The following PKD1 variants were observed in gnomAD, a reference collection of about 807,000 sequenced individuals.
PKD1 encodes the protein polycystin 1, transient receptor potential channel interacting, also known as polycystin-1.
Under a neutral mutation model 361.7 loss-of-function variants are expected in PKD1, and 81 were observed. The observed-to-expected ratio is 0.22, with a 90% CI of 0.19 to 0.27. The LOEUF (loss-of-function observed/expected upper bound fraction) is 0.27. Among genes scored for constraint, PKD1 ranks in the 10% least tolerant of loss-of-function variants. The probability of loss-of-function intolerance (pLI) is 1.00; values close to 1 mark genes in which losing one functional copy is unlikely to be tolerated. For synonymous variants in PKD1, 3,615 were observed against 2,818.3 expected (o/e 1.28, Z -8.95); for missense variants, 6,399 against 6,118.3 (o/e 1.05, Z -1.53).
At chr16:2,117,445 G>C in intron 6 of PKD1, 44 bp downstream of exon 6, 11 of 1,344,728 alleles carry the variant, frequency 8.2e-6, no homozygotes, top group Non-Finnish European at 1.1e-5. Context: ...CAGTGCTTCA[G>C]AGATCTCCCA....
rs2092203712 is a variant in PKD1, at chr16:2,103,758, G to A, written c.8299C>T (p.Arg2767Cys). Residue 2767 changes from arginine (R) to cysteine (C), a missense_variant, in exon 23 of 46, where the codon CGC becomes TGC. By Grantham distance (180) the Arg-to-Cys change is radical. Coordinates refer to ENST00000262304, the MANE Select transcript of PKD1 (RefSeq NM_001009944.3). ...GTCAGGGGCTCCTCGTTGAGCACGC[G>A]GGAGCGCATGAGGATGCGCATGAGG... ...SALMRILMRS[R>C]VLNEEPLTLA... 2 of 1,609,954 alleles carry A rather than the reference G, an allele frequency of 1.2e-6. No homozygotes were observed. Among genetic ancestry groups the A allele is most frequent in the East Asian group, 2.2e-5 (1 of 44,720 alleles).
chr16:2,120,152 C>G (rs1314673143), intron 1 of PKD1: 19 of 478,402 alleles, frequency 4.0e-5, no homozygotes, highest in Non-Finnish European at 6.3e-5. Context: ...GTCAAGGCTA[C>G]AGGGAGCTGA....
Position 2,115,985 on chromosome 16 carries a change from G to A in PKD1, c.1849+7C>T. The A allele has an allele frequency of 7.1e-7, 1 of 1,416,234 alleles. No individual in the cohort carries two copies. The highest frequency in any genetic ancestry group is 9.5e-7 in the Non-Finnish European group (1 of 1,056,072). The allele number at this position is 1,416,234 out of a possible 1,614,324, so 87.7% of individuals were successfully genotyped here. ...CACCACCCACCACCCACCACCCAGA[G>A]TCCCACCTGCTGTGCTGAGGAGCCG... is the stretch of plus-strand genomic sequence containing the variant. On this transcript the variant is annotated splice_region_variant and intron_variant, in intron 9 of 45. Coordinates refer to ENST00000262304, the MANE Select transcript of PKD1 (RefSeq NM_001009944.3).
intron 42 of PKD1, 24 bp downstream of exon 42, chr16:2,091,399 G>A: frequency 9.0e-7 from 1 of 1,113,936 alleles, no homozygotes; most frequent in Non-Finnish European, 1.1e-6. Flanking sequence ...GGGAGGCGCG[G>A]GGTCTGGCCG....
At chr16:2,105,693 G>A (rs555563517) in intron 20 of PKD1, 172 bp downstream of exon 20, 6 of 1,310,408 alleles carry the variant, frequency 4.6e-6, no homozygotes, top group East Asian at 5.0e-5. Flanking sequence ...GCCGGAGAGG[G>A]CCCGGTGGGT....
Position 2,105,431 on chromosome 16 carries a change from C to G in PKD1, c.7907G>C (p.Arg2636Pro). 2 of 1,586,836 alleles carry G rather than the reference C, an allele frequency of 1.3e-6. No individual in the cohort carries two copies. Among genetic ancestry groups the G allele is most frequent in the Non-Finnish European group, 1.7e-6 (2 of 1,173,286 alleles). The change falls in exon 21 of 46, where the codon CGG becomes CCG. Residue 2636 changes from arginine to proline, a missense_variant. Transcript: ENST00000262304. ...CTTGCGTATCTGGGCTCGGTGCTGCCGCTCGTGCTTGGGCTCTGCCGCCAC... is the reference window on the plus strand; with the variant it reads ...CTTGCGTATCTGGGCTCGGTGCTGCGGCTCGTGCTTGGGCTCTGCCGCCAC... ...LDVAAEPKHE[R>P]QHRAQIRKNI...
Position 2,102,534 on chromosome 16 carries a change from C to G in PKD1, c.9048G>C (p.Gln3016His). 6.2e-7 allele frequency: 1 copy of G among 1,609,682 alleles called. No homozygotes were observed. The highest frequency in any genetic ancestry group is 8.5e-7 in the Non-Finnish European group (1 of 1,179,272). The stretch of plus-strand genomic sequence containing the variant: ...ACACCATGTCCTCCTCGCTGAAGTA[C>G]TGGCACAGGGACGTGTACAGGCCCA... ...VSVGLYTSLCQYFSEEDMVWR... is the reference protein window; with the variant it reads ...VSVGLYTSLCHYFSEEDMVWR... Residue 3016 changes from glutamine to histidine, a missense_variant, in exon 25 of 46, where the codon CAG (glutamine) becomes CAC (histidine). By Grantham distance (24) the Gln-to-His change is conservative (BLOSUM62 0). Coordinates refer to ENST00000262304, the MANE Select transcript of PKD1 (RefSeq NM_001009944.3).
intron 21 of PKD1, 72 bp from the exon 22 acceptor site, chr16:2,104,714 G>A (rs2092266936): frequency 3.6e-6 from 3 of 843,456 alleles, no homozygotes; most frequent in Admixed American, 2.1e-5. Flanking sequence ...CTCTACACGG[G>A]TCCTCACCTG....
Position 2,089,021 on chromosome 16 carries a change from G to C in PKD1, c.*706C>G, listed in dbSNP as rs368013485. Reference sequence around the variant, plus strand: ...AGACCTGATGCCAGCAGGCCTGGGCGCTGCTCTCTTGCTACCTGGCCTGGG... The same window carrying C: ...AGACCTGATGCCAGCAGGCCTGGGCCCTGCTCTCTTGCTACCTGGCCTGGG... On this transcript the variant is annotated 3_prime_UTR_variant, in exon 46 of 46. Transcript: ENST00000262304. The C allele has an allele frequency of 2.8e-5, 6 of 214,676 alleles. No individual in the cohort carries two copies. Among genetic ancestry groups the C allele is most frequent in the African/African-American group, 1.4e-4 (6 of 43,318 alleles). 13.3% of individuals were successfully genotyped at this position (214,676 alleles called of 1,614,324 possible). A position where few individuals can be genotyped will look rare whatever the true frequency, so the allele number is the denominator to read the frequency against.
Position 2,093,790 on chromosome 16 carries a change from T to TACCCCTGGCAGCCC in PKD1, c.10821+7_10821+20dup. The TACCCCTGGCAGCCC allele has an allele frequency of 1.3e-6, 2 of 1,555,290 alleles. 1 individual carries two copies. The highest frequency in any genetic ancestry group is 4.8e-5 in the East Asian group (2 of 41,614). ...TCCCCCGTGATGGAGGCCTGTAGCC[T>TACCCCTGGCAGCCC]ACCCCTGGCAGCCCCCTCACCTTCA... On this transcript the variant is annotated intron_variant, in intron 36 of 45. Coordinates refer to ENST00000262304, the MANE Select transcript of PKD1 (RefSeq NM_001009944.3).
In PKD1 at chr16:2,103,373, T is replaced by G; in HGVS notation, c.8684A>C (p.Asn2895Thr). Residue 2895 changes from asparagine to threonine, a missense_variant, in exon 23 of 46, where the codon AAC becomes ACC. Coordinates refer to ENST00000262304, the MANE Select transcript of PKD1 (RefSeq NM_001009944.3). ...GGCCTGGGGCTGGACCACAACGGAG[T>G]TGGCGGAGTTGGCGGAGCTGCGGTG... ...RGHRSSANSA[N>T]SVVVQPQASV... 4.4e-6 allele frequency: 7 copies of G among 1,600,916 alleles called. No homozygotes were observed. Among genetic ancestry groups the G allele is most frequent in the Non-Finnish European group, 5.9e-6 (7 of 1,179,238 alleles).
Position 2,111,226 on chromosome 16 carries a change from G to A in PKD1, c.3941C>T (p.Thr1314Met), listed in dbSNP as rs148422895. 24 of 1,610,888 alleles carry A rather than the reference G, an allele frequency of 1.5e-5. No homozygotes were observed. Among genetic ancestry groups the A allele is most frequent in the Middle Eastern group, 1.9e-4 (1 of 5,326 alleles). The change falls in exon 15 of 46, where the codon ACG becomes ATG. Residue 1314 changes from threonine to methionine, a missense_variant. Thr to Met is a moderately conservative substitution (Grantham distance 81, BLOSUM62 -1). Transcript: ENST00000262304. ...GGCCGGGTTCCCGGTGACGTAGGCC[G>A]TGAGCCGCGCGTCAGGCTGCGTGGG... ...CIPTQPDARL[T>M]AYVTGNPAHY...
At position 2,089,996 on chromosome 16, in the gene PKD1, G is replaced by A. The variant is rs757068311; in HGVS notation, c.12643C>T (p.Leu4215Phe). 3 of 1,610,538 alleles carry A rather than the reference G, an allele frequency of 1.9e-6. No homozygotes were observed. The highest frequency in any genetic ancestry group is 3.4e-5 in the Admixed American group (2 of 59,534). ...AGCAGGGCCTCGAACACGGCTTGGAGGCGGGAGGGCTCAGGCTCACACCTT... is the reference window on the plus strand; with the variant it reads ...AGCAGGGCCTCGAACACGGCTTGGAAGCGGGAGGGCTCAGGCTCACACCTT... ...GTRCEPEPSR[L>F]QAVFEALLTQ... The change falls in exon 46 of 46, where the codon CTC (leucine) becomes TTC (phenylalanine). Residue 4215 changes from leucine (L) to phenylalanine (F), a missense_variant. Transcript: ENST00000262304.
rs745381642 is a variant in PKD1 at position 2,111,161 on chromosome 16, T to G, written c.4006A>C (p.Asn1336His). Residue 1336 changes from asparagine (N) to histidine (H), a missense_variant, in exon 15 of 46, where the codon AAC becomes CAC. Coordinates refer to ENST00000262304, the MANE Select transcript of PKD1 (RefSeq NM_001009944.3). ...GTCGGGCACCCCCGCACGGTCGTGT[T>G]GGAGGAGCCATCCCCGAAGGTCCAG... ...FDWTFGDGSSNTTVRGCPTVT... is the reference protein window; with the variant it reads ...FDWTFGDGSSHTTVRGCPTVT... The G allele has an allele frequency of 1.9e-6, 3 of 1,611,262 alleles. No individual in the cohort carries two copies. The highest frequency in any genetic ancestry group is 2.5e-6 in the Non-Finnish European group (3 of 1,179,754).
intron 1 of PKD1, among the ~76,000 whole-genome samples, chr16:2,126,406 C>A (rs2092800581): frequency 6.6e-6 from 1 of 152,276 alleles, no homozygotes; most frequent in Non-Finnish European, 1.5e-5. Flanking sequence ...AGGGCTGGGC[C>A]TCGGGAGCTG....
At position 2,109,668 on chromosome 16, in the gene PKD1, G is replaced by A. The variant is rs1184770602; in HGVS notation, c.5499C>T (p.Thr1833=). 16 of 1,587,032 alleles carry A rather than the reference G, an allele frequency of 1.0e-5. No homozygotes were observed. The highest frequency in any genetic ancestry group is 1.8e-5 in the Admixed American group (1 of 56,020). ...GCACAGCCCAGCACCAGCTCACATTGGTGCCCGTGGCCAGCTGCCCCCAAA... is the reference window on the plus strand; with the variant it reads ...GCACAGCCCAGCACCAGCTCACATTAGTGCCCGTGGCCAGCTGCCCCCAAA... ...VPFWGQLATG[T]NVSWCWAVPG... The change falls in exon 15 of 46, where the codon ACC becomes ACT. Residue 1833 remains threonine, a synonymous_variant. Transcript: ENST00000262304.
Position 2,089,568 on chromosome 16 carries a change from T to G in PKD1, c.*159A>C. On this transcript the variant is annotated 3_prime_UTR_variant, in exon 46 of 46. Coordinates refer to ENST00000262304, the MANE Select transcript of PKD1 (RefSeq NM_001009944.3). The stretch of plus-strand genomic sequence containing the variant: ...GTCCTGGTTGGCCACACAGCCTCTT[T>G]AAAGTGCTGAAGCCCACAGACAGAC... 1.1e-6 allele frequency: 1 copy of G among 918,672 alleles called. No individual in the cohort carries two copies. Among genetic ancestry groups the G allele is most frequent in the Admixed American group, 2.3e-5 (1 of 43,780 alleles). The allele number at this position is 918,672 out of a possible 1,614,324, so 56.9% of individuals were successfully genotyped here.
intron 9 of PKD1, 134 bp from the exon 10 acceptor site, chr16:2,115,759 G>T: frequency 9.6e-7 from 1 of 1,037,200 alleles, no homozygotes; most frequent in South Asian, 1.5e-5. Flanking sequence ...TCCCAGCCCA[G>T]TGCTGCGTCC....
At position 2,090,329 on chromosome 16, in the gene PKD1, G is replaced by A. The variant is rs760150401; in HGVS notation, c.12400C>T (p.Leu4134=). Reference sequence around the variant, plus strand: ...CCCATCCAGAGGCGCAGCCTGCGCAGGAACAACTCCACCATCTCGTAGTCC... The same window carrying A: ...CCCATCCAGAGGCGCAGCCTGCGCAAGAACAACTCCACCATCTCGTAGTCC... ...PQDYEMVELF[L]RRLRLWMGLS... is the part of the protein sequence containing the mutation. Residue 4134 remains leucine (L), a synonymous_variant, in exon 45 of 46, where the codon CTG becomes TTG. Transcript: ENST00000262304. 7 of 1,612,072 alleles carry A rather than the reference G, an allele frequency of 4.3e-6. No homozygotes were observed. Among genetic ancestry groups the A allele is most frequent in the East Asian group, 4.5e-5 (2 of 44,864 alleles).
Sources: gnomAD v4.1 joint callset for allele counts (sites outside exome capture counted in the v4.1 genomes callset) on GRCh38, gnomAD v4.1.1 for gene constraint, MANE v1.5 for transcripts, NCBI Gene and HGNC (gene_info 2026-07-23, HGNC 2026-07-21) for gene names.